Variants in UGGT2 observed in about 807,000 individuals in gnomAD.
UGGT2 encodes the protein UDP-glucose glycoprotein glucosyltransferase 2, also known as UDP-glucose:glycoprotein glucosyltransferase 2.
A neutral mutation model predicts 192.1 loss-of-function variants in UGGT2; 180 were observed. The ratio of observed to expected loss-of-function variants is 0.94; its 90% CI spans 0.83 to 1.06. The LOEUF (loss-of-function observed/expected upper bound fraction) is 1.06. UGGT2 is among the 50% of genes least tolerant of loss of function. UGGT2 has a pLI of 0.00. For missense variants in UGGT2, 1,849 were observed against 1,795.7 expected, an observed-to-expected ratio of 1.03 and a Z score of -0.54; for synonymous variants, 580 against 591.0, an observed-to-expected ratio of 0.98 and a Z score of 0.27.
At chr13:95,806,921 A>G (rs896963243) in intron 38 of UGGT2, among the ~76,000 whole-genome samples, 1 of 152,170 alleles carries the variant, frequency 6.6e-6, no homozygotes, top group African/African-American at 2.4e-5. Flanking sequence ...ACCTAAAACT[A>G]TAGCGCTCTT....
In UGGT2 at chr13:95,996,068, T is replaced by C. The variant is rs539824717; in HGVS notation, c.825A>G (p.Lys275=). The change falls in exon 7 of 39, where the codon AAA becomes AAG. Residue 275 remains lysine, a synonymous_variant. Coordinates refer to ENST00000376747, the MANE Select transcript of UGGT2 (RefSeq NM_020121.4). Reference sequence around the variant, plus strand: ...TCATTTCCATTCAGACTTACTTTAGTTTCCCAAAGAGAAATCCTTGAACTT... The same window carrying C: ...TCATTTCCATTCAGACTTACTTTAGCTTCCCAAAGAGAAATCCTTGAACTT... ...TNEVQGFLFG[K]LKEIYSDLRD... 8 of 1,613,170 alleles carry C rather than the reference T, an allele frequency of 5.0e-6. No individual in the cohort carries two copies. The African/African-American group carries it at 5.3e-5, about 11-fold the overall frequency.
chr13:95,898,713 T>G (rs1432738680), intron 22 of UGGT2, among the ~76,000 whole-genome samples: 2 of 151,726 alleles, frequency 1.3e-5, no homozygotes, highest in African/African-American at 4.8e-5. Flanking sequence ...CTTTCAGGAG[T>G]GGGTTTGCTC....
chr13:95,940,163 C>A (rs935964983), intron 15 of UGGT2, 72 bp from the exon 16 acceptor site: 7 of 1,191,620 alleles, frequency 5.9e-6, no homozygotes, highest in Non-Finnish European at 7.9e-6. Flanking sequence ...CCTTAGCATG[C>A]AGATAGATTT....
At chr13:95,926,368 T>C (rs2049015705) in intron 19 of UGGT2, among the ~76,000 whole-genome samples, 1 of 152,108 alleles carries the variant, frequency 6.6e-6, no homozygotes, top group South Asian at 2.1e-4. Flanking sequence ...TTCCATCTGT[T>C]TAATGAACTC....
At chr13:95,853,506 C>A (rs1254479052) in intron 36 of UGGT2, 37 bp downstream of exon 36, 1 of 1,564,522 alleles carries the variant, frequency 6.4e-7, no homozygotes, top group African/African-American at 1.4e-5. Flanking sequence ...AGTCTATGTA[C>A]ACACACTCAA....
chr13:95,984,918 T>C (rs566286720), intron 9 of UGGT2: 1 of 152,992 alleles, frequency 6.5e-6, no homozygotes, highest in African/African-American at 2.4e-5. Context: ...ATAAGGCAAA[T>C]TTTTCATTTA....
intron 12 of UGGT2, among the ~76,000 whole-genome samples, chr13:95,958,025 C>T (rs2050264305): frequency 3.3e-5 from 5 of 152,258 alleles, no homozygotes; most frequent in Middle Eastern, 3.4e-3. Flanking sequence ...CAAGTCACTT[C>T]GTGTTCTAGA....
chr13:95,965,036 A>T (rs1472996547), intron 12 of UGGT2, among the ~76,000 whole-genome samples: 5 of 150,842 alleles, frequency 3.3e-5, no homozygotes, highest in Non-Finnish European at 7.4e-5. Context: ...CAAAACCACA[A>T]TGAGATACCA....
intron 1 of UGGT2, among the ~76,000 whole-genome samples, chr13:96,038,208 T>G (rs947044270): frequency 3.3e-5 from 5 of 152,190 alleles, no homozygotes; most frequent in African/African-American, 1.2e-4. Context: ...TTTGTTGAAT[T>G]AGCATTACTG....
At chr13:96,035,306 C>G (rs1252184621) in intron 1 of UGGT2, among the ~76,000 whole-genome samples, 1 of 152,092 alleles carries the variant, frequency 6.6e-6, no homozygotes, top group Non-Finnish European at 1.5e-5. Flanking sequence ...CAGAAACAAG[C>G]AATGAAAGGA....
At chr13:95,828,794 A>AG (rs769042766) in intron 38 of UGGT2, among the ~76,000 whole-genome samples, 3 of 152,298 alleles carry the variant, frequency 2.0e-5, no homozygotes, top group East Asian at 1.9e-4. Context: ...ATAGAAAAAG[A>AG]GGGAATCCTC....
In UGGT2 at chr13:95,897,203, GATT is replaced by G. The variant is rs542746309; in HGVS notation, c.2635-1902_2635-1900del. On this transcript the variant is annotated intron_variant, in intron 22 of 38. Coordinates refer to ENST00000376747, the MANE Select transcript of UGGT2 (RefSeq NM_020121.4). Reference sequence around the variant, plus strand: ...ATCACCCCAACAATCCTGTAAGACAGATTATTATCATTCTCATTGTCCAAATGA... The same window carrying G: ...ATCACCCCAACAATCCTGTAAGACAGATTATCATTCTCATTGTCCAAATGA... Among the ~76,000 whole-genome samples the G allele has an allele frequency of 2.7e-3, 417 of 151,992 alleles. 1 individual carries two copies. Among genetic ancestry groups the G allele is most frequent in the African/African-American group, 9.7e-3 (402 of 41,476 alleles).
chr13:95,872,320 T>C (rs1367191916), intron 29 of UGGT2, among the ~76,000 whole-genome samples: 2 of 152,210 alleles, frequency 1.3e-5, no homozygotes, highest in Non-Finnish European at 2.9e-5. Context: ...ATTGTGGGCA[T>C]TATGCCTCAG....
intron 4 of UGGT2, among the ~76,000 whole-genome samples, chr13:96,014,187 T>C (rs1297164377): frequency 6.6e-6 from 1 of 152,208 alleles, no homozygotes; most frequent in Non-Finnish European, 1.5e-5. Flanking sequence ...TGGCAATTTA[T>C]ACAGGTAGAA....
intron 12 of UGGT2, among the ~76,000 whole-genome samples, chr13:95,963,768 G>T (rs2050479093): frequency 6.6e-6 from 1 of 151,792 alleles, no homozygotes; most frequent in African/African-American, 2.4e-5. Context: ...AAATCAAAAG[G>T]GTAATCCCAT....
intron 30 of UGGT2, among the ~76,000 whole-genome samples, chr13:95,866,536 A>G (rs1221142329): frequency 6.6e-6 from 1 of 152,216 alleles, no homozygotes; most frequent in African/African-American, 2.4e-5. Context: ...TTCAAGGTTC[A>G]GGATTCCCTG....
chr13:95,828,806 C>T, intron 38 of UGGT2, among the ~76,000 whole-genome samples: 1 of 152,174 alleles, frequency 6.6e-6, no homozygotes, highest in Non-Finnish European at 1.5e-5. Context: ...GGAATCCTCC[C>T]TAACTCAATT....
At chr13:96,001,629 G>A (rs1310766720) in intron 5 of UGGT2, among the ~76,000 whole-genome samples, 3 of 152,282 alleles carry the variant, frequency 2.0e-5, no homozygotes, top group East Asian at 1.9e-4. Context: ...CCACTTGGGA[G>A]AACATTTAAA....
At chr13:95,832,295 C>G (rs555276871) in intron 38 of UGGT2, among the ~76,000 whole-genome samples, 2 of 151,952 alleles carry the variant, frequency 1.3e-5, no homozygotes, top group Non-Finnish European at 2.9e-5. Context: ...ACACAGGCAG[C>G]ACTGACAGGG....
Sources: gnomAD v4.1 joint callset for allele counts (sites outside exome capture counted in the v4.1 genomes callset) on GRCh38, gnomAD v4.1.1 for gene constraint, MANE v1.5 for transcripts, NCBI Gene and HGNC (gene_info 2026-07-23, HGNC 2026-07-21) for gene names.